The following BICDL1 variants were observed in gnomAD, a reference collection of about 807,000 sequenced individuals.
The protein encoded by BICDL1 is BICD family-like cargo adapter 1.
A neutral mutation model predicts 76.8 loss-of-function variants in BICDL1; 20 were observed. That is an observed-to-expected ratio of 0.26 (90% CI 0.18 to 0.38). The LOEUF (loss-of-function observed/expected upper bound fraction) is 0.38. Among genes scored for constraint, BICDL1 ranks in the 10% least tolerant of loss-of-function variants. The probability of loss-of-function intolerance (pLI) is 1.00; values close to 1 mark genes in which losing one functional copy is unlikely to be tolerated. For missense variants in BICDL1, 700 were observed against 798.6 expected (o/e 0.88, Z 1.49); for synonymous variants, 383 against 337.1 (o/e 1.14, Z -1.49).
At chr12:120,091,413 A>C (rs908733323) in intron 9 of BICDL1, 2 of 1,014,378 alleles carry the variant, frequency 2.0e-6, no homozygotes, top group Non-Finnish European at 2.4e-6. Flanking sequence ...TTGGTTTTTG[A>C]AAGACCCTTT....
At chr12:120,046,774 A>T (rs563000664) in intron 2 of BICDL1, among the ~76,000 whole-genome samples, 7 of 152,202 alleles carry the variant, frequency 4.6e-5, no homozygotes, top group South Asian at 4.1e-4. Context: ...AGAAAAAAAG[A>T]CTGAATCAAA....
chr12:120,093,458 G>A lies in BICDL1; in HGVS notation c.*297G>A, dbSNP rs554459566. On this transcript the variant is annotated 3_prime_UTR_variant, in exon 10 of 10. Coordinates refer to ENST00000548673, the MANE Select transcript of BICDL1 (RefSeq NM_001367886.1). ...GGCCACCTCCCAGAGGGGCCCCTTGGTGTTGGGCTTTGCAGCTCACACCCA... is the reference window on the plus strand; with the variant it reads ...GGCCACCTCCCAGAGGGGCCCCTTGATGTTGGGCTTTGCAGCTCACACCCA... 2.2e-4 allele frequency: 87 copies of A among 400,986 alleles called. No individual in the cohort carries two copies. Among genetic ancestry groups the A allele is most frequent in the Non-Finnish European group, 3.9e-4 (84 of 216,858 alleles). 24.8% of individuals were successfully genotyped at this position (400,986 alleles called of 1,614,324 possible).
chr12:120,019,821 C>T (rs1412665016), intron 2 of BICDL1, among the ~76,000 whole-genome samples: 3 of 152,140 alleles, frequency 2.0e-5, no homozygotes, highest in Non-Finnish European at 4.4e-5. Context: ...CATGCAATAT[C>T]ATACAACCCA....
chr12:120,063,629 T>C (rs1476089098), intron 3 of BICDL1, among the ~76,000 whole-genome samples: 12 of 152,190 alleles, frequency 7.9e-5, no homozygotes, highest in Admixed American at 6.5e-4. Flanking sequence ...GGAATTGTTA[T>C]CAAAGCTGGA....
At chr12:120,063,741 G>T (rs537553698) in intron 3 of BICDL1, among the ~76,000 whole-genome samples, 1 of 152,130 alleles carries the variant, frequency 6.6e-6, no homozygotes, top group Non-Finnish European at 1.5e-5. Flanking sequence ...TAAATGGGAG[G>T]ATCCACGAGG....
intron 6 of BICDL1, 26 bp downstream of exon 6, chr12:120,072,755 T>C (rs1873204497): frequency 1.3e-6 from 2 of 1,597,710 alleles, no homozygotes; most frequent in Non-Finnish European, 1.7e-6. Context: ...GAGATGGTCC[T>C]TACCCCACAG....
chr12:119,997,430 C>T lies in BICDL1; in HGVS notation c.430-1091C>T, dbSNP rs188543057. 4.6e-5 allele frequency among the ~76,000 whole-genome samples: 7 copies of T among 152,262 alleles called. No individual in the cohort carries two copies. The East Asian group carries it at 1.3e-3, about 29-fold the overall frequency. ...GTCTGTTTTGCTCATTAGAACGTCC[C>T]TAGGACTGTGCTTGGCTCATAGTAG... is the stretch of plus-strand genomic sequence containing the variant. On this transcript the variant is annotated intron_variant, in intron 1 of 9. Transcript: ENST00000548673.
In BICDL1 at chr12:119,998,650, C is replaced by G. The variant is rs371966029; in HGVS notation, c.559C>G (p.His187Asp). 3.1e-6 allele frequency: 5 copies of G among 1,613,960 alleles called. No individual in the cohort carries two copies. Among genetic ancestry groups the G allele is most frequent in the South Asian group, 1.1e-5 (1 of 91,076 alleles). ...GGATGAGTTGGAGAGGCAGCAGATT[C>G]ATCTGCGGGAAGCAGATCGAGAAAA... ...LQDELERQQI[H>D]LREADREKSR... The change falls in exon 2 of 10, where the codon CAT (histidine) becomes GAT (aspartate). Residue 187 changes from histidine to aspartate, a missense_variant. Physicochemically the swap from His to Asp is moderately conservative, Grantham distance 81 (BLOSUM62 -1). Coordinates refer to ENST00000548673, the MANE Select transcript of BICDL1 (RefSeq NM_001367886.1).
At chr12:120,053,392 T>C (rs1033004461) in intron 2 of BICDL1, among the ~76,000 whole-genome samples, 2 of 152,216 alleles carry the variant, frequency 1.3e-5, no homozygotes, top group African/African-American at 4.8e-5. Context: ...ATTTTCATCA[T>C]TTCTTCTACA....
At chr12:120,030,231 A>G (rs1332338582) in intron 2 of BICDL1, among the ~76,000 whole-genome samples, 1 of 152,230 alleles carries the variant, frequency 6.6e-6, no homozygotes, top group Non-Finnish European at 1.5e-5. Flanking sequence ...TTAGTAAACA[A>G]CTGTTGGGGC....
At chr12:120,051,999 G>A (rs1425573134) in intron 2 of BICDL1, among the ~76,000 whole-genome samples, 3 of 151,942 alleles carry the variant, frequency 2.0e-5, no homozygotes, top group Non-Finnish European at 2.9e-5. Context: ...GGAGTGCAGT[G>A]GCATGATCTC....
Position 120,064,751 on chromosome 12 carries a change from C to G in BICDL1, c.781C>G (p.Arg261Gly). 4 of 1,611,520 alleles carry G rather than the reference C, an allele frequency of 2.5e-6. No individual in the cohort carries two copies. The South Asian group carries it at 3.3e-5, about 13-fold the overall frequency. ...LQAEIKMLSD[R>G]KRELEHRLSA... ...CTTTCAGATCAAGATGCTGTCAGATCGGAAACGGGAGCTGGAGCATCGTCT... is the reference window on the plus strand; with the variant it reads ...CTTTCAGATCAAGATGCTGTCAGATGGGAAACGGGAGCTGGAGCATCGTCT... Residue 261 changes from arginine to glycine, a missense_variant, in exon 4 of 10, where the codon CGG (arginine) becomes GGG (glycine). By Grantham distance (125) the Arg-to-Gly change is moderately radical. Coordinates refer to ENST00000548673, the MANE Select transcript of BICDL1 (RefSeq NM_001367886.1).
intron 8 of BICDL1, among the ~76,000 whole-genome samples, chr12:120,082,675 T>C (rs1566267590): frequency 6.6e-6 from 1 of 152,114 alleles, no homozygotes; most frequent in Non-Finnish European, 1.5e-5. Context: ...TTCCACCTCC[T>C]GGGCTCAAGT....
intron 9 of BICDL1, chr12:120,092,055 CAT>C (rs1410458685): frequency 4.4e-5 from 43 of 985,344 alleles, no homozygotes; most frequent in African/African-American, 1.0e-4. Flanking sequence ...CGAGCAGACA[CAT>C]GTTACATTTA....
intron 2 of BICDL1, among the ~76,000 whole-genome samples, chr12:120,044,579 A>G (rs1477699166): frequency 2.0e-5 from 3 of 152,196 alleles, no homozygotes; most frequent in Non-Finnish European, 4.4e-5. Context: ...AAGCATTTTC[A>G]TGCAATCTCC....
chr12:120,026,481 A>AG (rs775495822), intron 2 of BICDL1, among the ~76,000 whole-genome samples: 1 of 152,232 alleles, frequency 6.6e-6, no homozygotes, highest in Admixed American at 6.5e-5. Flanking sequence ...ATGAGAAGCT[A>AG]GGTAGATAAG....
chr12:120,002,756 G>A (rs1028030130), intron 2 of BICDL1, among the ~76,000 whole-genome samples: 2 of 152,186 alleles, frequency 1.3e-5, no homozygotes, highest in African/African-American at 4.8e-5. Context: ...AGGAGAAGAT[G>A]TATAAATAAA....
chr12:120,041,648 C>A (rs969221709), intron 2 of BICDL1, among the ~76,000 whole-genome samples: 2 of 152,088 alleles, frequency 1.3e-5, no homozygotes, highest in African/African-American at 4.8e-5. Flanking sequence ...TTAGGGTGAG[C>A]AGAGGAGGCC....
At position 120,074,567 on chromosome 12, in the gene BICDL1, T is replaced by C. The variant is rs1326691506; in HGVS notation, c.1433T>C (p.Leu478Pro). The C allele has an allele frequency of 8.0e-7, 1 of 1,247,046 alleles. No homozygotes were observed. The highest frequency in any genetic ancestry group is 1.3e-5 in the South Asian group (1 of 74,258). 77.2% of individuals were successfully genotyped at this position (1,247,046 alleles called of 1,614,324 possible). A position where few individuals can be genotyped will look rare whatever the true frequency, so the allele number is the denominator to read the frequency against. ...RGKLRQSLEELQRLHSQVTLL... is the reference protein window; with the variant it reads ...RGKLRQSLEEPQRLHSQVTLL... ...AAACTGAGGCAAAGCCTAGAAGAGC[T>C]GCAGCGACTCCACAGTCAGGTGAGC... Residue 478 changes from leucine (L) to proline (P), a missense_variant, in exon 7 of 10, where the codon CTG becomes CCG. Leu to Pro is a moderately conservative substitution (Grantham distance 98, BLOSUM62 -3). Transcript: ENST00000548673.
Sources: gnomAD v4.1 joint callset for allele counts (sites outside exome capture counted in the v4.1 genomes callset) on GRCh38, gnomAD v4.1.1 for gene constraint, MANE v1.5 for transcripts, NCBI Gene and HGNC (gene_info 2026-07-23, HGNC 2026-07-21) for gene names.